The following ARHGAP26 variants were observed in gnomAD, a reference collection of about 807,000 sequenced individuals.
ARHGAP26 encodes Rho GTPase activating protein 26.
A neutral mutation model predicts 104.8 loss-of-function variants in ARHGAP26; 38 were observed. The ratio of observed to expected loss-of-function variants is 0.36; its 90% CI spans 0.28 to 0.48. ARHGAP26 has a LOEUF of 0.48. ARHGAP26 is among the 20% of genes least tolerant of loss of function. ARHGAP26 has a pLI of 0.99. For synonymous variants in ARHGAP26, 341 were observed against 340.0 expected, an observed-to-expected ratio of 1.00 and a Z score of -0.03; for missense variants, 704 against 947.9, an observed-to-expected ratio of 0.74 and a Z score of 3.38.
chr5:142,851,812 C>G (rs1396837484), intron 1 of ARHGAP26, among the ~76,000 whole-genome samples: 1 of 152,204 alleles, frequency 6.6e-6, no homozygotes, highest in African/African-American at 2.4e-5. Context: ...GCCTTCTCTT[C>G]TCCCTCATCT....
intron 1 of ARHGAP26, among the ~76,000 whole-genome samples, chr5:142,803,787 A>G (rs1171207209): frequency 6.6e-6 from 1 of 152,224 alleles, no homozygotes; most frequent in Non-Finnish European, 1.5e-5. Context: ...GGAGGAGTCC[A>G]GCAGTGAACA....
chr5:142,947,520 C>T (rs995973599), intron 11 of ARHGAP26, among the ~76,000 whole-genome samples: 8 of 152,226 alleles, frequency 5.3e-5, no homozygotes, highest in African/African-American at 1.9e-4. Context: ...TGTTGTCATG[C>T]CAGGGAGATG....
intron 17 of ARHGAP26, among the ~76,000 whole-genome samples, chr5:143,114,645 C>T (rs563902277): frequency 6.6e-6 from 1 of 152,312 alleles, no homozygotes; most frequent in Admixed American, 6.5e-5. Flanking sequence ...TACCCACCCA[C>T]TTACCTATAA....
At chr5:142,834,360 T>G (rs1052099723) in intron 1 of ARHGAP26, among the ~76,000 whole-genome samples, 1 of 152,244 alleles carries the variant, frequency 6.6e-6, no homozygotes, top group Non-Finnish European at 1.5e-5. Context: ...TTCCAGCAAC[T>G]TGGATTTTGC....
At position 143,107,022 on chromosome 5, in the gene ARHGAP26, C is replaced by A. The variant is rs558953903; in HGVS notation, c.1539-13966C>A. On this transcript the variant is annotated intron_variant, in intron 17 of 22. Transcript: ENST00000645722. Reference sequence around the variant, plus strand: ...TCTGTTTGATTTCTTCATGGCACTTCTGTAATCTGACATTTTTACTGATGT... The same window carrying A: ...TCTGTTTGATTTCTTCATGGCACTTATGTAATCTGACATTTTTACTGATGT... Among the ~76,000 whole-genome samples the A allele has an allele frequency of 1.8e-4, 27 of 152,306 alleles. No homozygotes were observed. In the South Asian group the frequency reaches 5.4e-3, roughly 30 times the overall value.
At chr5:143,083,974 G>T (rs1790186534) in intron 17 of ARHGAP26, among the ~76,000 whole-genome samples, 1 of 152,210 alleles carries the variant, frequency 6.6e-6, no homozygotes, top group South Asian at 2.1e-4. Context: ...TGTTCTTCAA[G>T]ATAAGAGGAG....
chr5:142,998,428 C>G (rs1472022613), intron 11 of ARHGAP26, among the ~76,000 whole-genome samples: 1 of 152,146 alleles, frequency 6.6e-6, no homozygotes, highest in East Asian at 1.9e-4. Context: ...ATGCCCTAAT[C>G]TCTCCCATCC....
At chr5:142,884,235 T>A (rs1757393431) in intron 4 of ARHGAP26, among the ~76,000 whole-genome samples, 2 of 152,196 alleles carry the variant, frequency 1.3e-5, no homozygotes, top group Admixed American at 1.3e-4. Flanking sequence ...GTGGAGAACA[T>A]GGGCTTTGGA....
chr5:143,163,824 G>C (rs12109619), intron 20 of ARHGAP26, among the ~76,000 whole-genome samples: 27,336 of 151,898 alleles, frequency 0.18, 3,412 homozygotes, highest in African/African-American at 0.35. Context: ...ACCCTACCAA[G>C]CTATGTCCCC....
chr5:142,970,534 C>T (rs987442134), intron 11 of ARHGAP26, among the ~76,000 whole-genome samples: 6 of 152,200 alleles, frequency 3.9e-5, no homozygotes, highest in South Asian at 2.1e-4. Context: ...TCTGGCAAGA[C>T]GACATACTTC....
At chr5:143,113,029 T>C (rs768463573) in intron 17 of ARHGAP26, among the ~76,000 whole-genome samples, 3 of 152,202 alleles carry the variant, frequency 2.0e-5, no homozygotes, top group Non-Finnish European at 4.4e-5. Context: ...TTTGAGGAGC[T>C]ACCATACTGG....
intron 1 of ARHGAP26, among the ~76,000 whole-genome samples, chr5:142,858,505 C>T (rs1752778456): frequency 6.6e-6 from 1 of 152,144 alleles, no homozygotes; most frequent in Non-Finnish European, 1.5e-5. Context: ...TGGGACTTAA[C>T]ATTCCCTTTT....
chr5:142,882,684 C>G (rs1475762053), intron 4 of ARHGAP26, among the ~76,000 whole-genome samples: 6 of 152,214 alleles, frequency 3.9e-5, no homozygotes, highest in African/African-American at 1.4e-4. Context: ...CCATTGCTGA[C>G]ATTTATTGAG....
chr5:142,883,292 G>A (rs149784345), intron 4 of ARHGAP26, among the ~76,000 whole-genome samples: 381 of 152,314 alleles, frequency 2.5e-3, no homozygotes, highest in Non-Finnish European at 4.5e-3. Context: ...GCTGGTGGGA[G>A]CGGATACATG....
intron 5 of ARHGAP26, among the ~76,000 whole-genome samples, chr5:142,891,506 A>G (rs1758654986): frequency 6.6e-6 from 1 of 151,944 alleles, no homozygotes; most frequent in African/African-American, 2.4e-5. Context: ...TAACTTACTT[A>G]TTTGACTAAT....
chr5:143,021,620 G>C (rs1243078102), intron 12 of ARHGAP26, among the ~76,000 whole-genome samples: 1 of 151,956 alleles, frequency 6.6e-6, no homozygotes, highest in Non-Finnish European at 1.5e-5. Flanking sequence ...CAGGTGGTGC[G>C]CCTCTCTAAG....
At chr5:142,941,031 T>C (rs1184324197) in intron 11 of ARHGAP26, among the ~76,000 whole-genome samples, 1 of 120,634 alleles carries the variant, frequency 8.3e-6, no homozygotes, top group Non-Finnish European at 1.6e-5. Flanking sequence ...GCCGAGATCA[T>C]GCCACTGCAC....
At chr5:143,122,178 T>A (rs190156337) in intron 18 of ARHGAP26, among the ~76,000 whole-genome samples, 12 of 152,198 alleles carry the variant, frequency 7.9e-5, no homozygotes, top group African/African-American at 2.9e-4. Flanking sequence ...AATTATCCAG[T>A]GGCTTCCCAT....
intron 19 of ARHGAP26, among the ~76,000 whole-genome samples, chr5:143,146,263 A>G (rs1799144114): frequency 6.6e-6 from 1 of 152,190 alleles, no homozygotes; most frequent in African/African-American, 2.4e-5. Flanking sequence ...TGTGTTTTCC[A>G]TTTATGATTC....
Sources: allele counts gnomAD v4.1 joint callset (sites outside exome capture counted in the v4.1 genomes callset), GRCh38; gene constraint gnomAD v4.1.1; transcripts MANE v1.5; gene names NCBI Gene and HGNC (gene_info 2026-07-23, HGNC 2026-07-21).